The following NPTN variants were observed in gnomAD, a reference collection of about 807,000 sequenced individuals.
NPTN encodes neuroplastin, also known as SDR-1.
NPTN carries 5 observed loss-of-function variants against 42.7 expected under a neutral mutation model. The observed-to-expected ratio is 0.12, with a 90% CI of 0.06 to 0.25. NPTN has a LOEUF of 0.25. Among genes scored for constraint, NPTN ranks in the 10% least tolerant of loss-of-function variants. The pLI, the probability that NPTN is intolerant of heterozygous loss-of-function variation, is 1.00. For synonymous variants in NPTN, 180 were observed against 201.9 expected, an observed-to-expected ratio of 0.89 and a Z score of 0.92; for missense variants, 307 against 525.4, an observed-to-expected ratio of 0.58 and a Z score of 4.06.
At chr15:73,603,976 G>T (rs566452403) in intron 1 of NPTN, among the ~76,000 whole-genome samples, 58 of 152,272 alleles carry the variant, frequency 3.8e-4, no homozygotes, top group Middle Eastern at 6.8e-3. Context: ...TAAGAGTTCT[G>T]TAAACTACTC....
intron 4 of NPTN, among the ~76,000 whole-genome samples, chr15:73,579,983 G>C (rs796421168): frequency 2.6e-5 from 4 of 152,228 alleles, no homozygotes; most frequent in African/African-American, 9.6e-5. Context: ...ATGCCACTAA[G>C]TTTTGGGGTA....
chr15:73,581,833 GCT>G (rs755571320), intron 4 of NPTN, among the ~76,000 whole-genome samples: 19 of 151,798 alleles, frequency 1.3e-4, no homozygotes, highest in Admixed American at 1.1e-3. Flanking sequence ...CTTATATGGT[GCT>G]CTTTTTTTTT....
At chr15:73,616,182 C>T (rs111504461) in intron 1 of NPTN, among the ~76,000 whole-genome samples, 2 of 152,048 alleles carry the variant, frequency 1.3e-5, no homozygotes, top group Non-Finnish European at 2.9e-5. Context: ...GGACCTCTTC[C>T]GTGCAGGTAT....
At chr15:73,571,332 A>G (rs1895372239) in intron 5 of NPTN, among the ~76,000 whole-genome samples, 1 of 152,180 alleles carries the variant, frequency 6.6e-6, no homozygotes, top group African/African-American at 2.4e-5. Context: ...TATCCTACTA[A>G]GGGCAGGTGG....
At chr15:73,595,125 G>A (rs528661118) in intron 2 of NPTN, among the ~76,000 whole-genome samples, 5 of 152,086 alleles carry the variant, frequency 3.3e-5, no homozygotes, top group African/African-American at 4.8e-5. Context: ...ATGTATTCTC[G>A]GGATTGGTAG....
In NPTN at chr15:73,563,155, T is replaced by TA. The variant is rs1894782653; in HGVS notation, c.1136+80dup. The TA allele has an allele frequency of 4.0e-6, 4 of 1,002,344 alleles. No individual in the cohort carries two copies. In the Admixed American group the frequency reaches 7.0e-5, roughly 17 times the overall value. 62.1% of individuals were successfully genotyped at this position (1,002,344 alleles called of 1,614,324 possible). A position where few individuals can be genotyped will look rare whatever the true frequency, so the allele number is the denominator to read the frequency against. On this transcript the variant is annotated intron_variant, in intron 7 of 8. Transcript: ENST00000345330. ...CACTCACTGTCTTCCCCTCCAATCT[T>TA]AGCTACTCCATTTGATTAAACTGCA...
chr15:73,623,851 TAC>T (rs1243328604), intron 1 of NPTN, among the ~76,000 whole-genome samples: 1 of 148,276 alleles, frequency 6.7e-6, no homozygotes, highest in African/African-American at 2.6e-5. Context: ...CTCTTTGTCC[TAC>T]TTATAATGGT....
chr15:73,587,693 G>A (rs994790173), intron 3 of NPTN, 75 bp from the exon 4 acceptor site: 2 of 1,055,980 alleles, frequency 1.9e-6, no homozygotes, highest in Admixed American at 1.8e-5. Flanking sequence ...AGAATCAAAG[G>A]GGCAATCAGG....
At chr15:73,604,848 A>T (rs1004410385) in intron 1 of NPTN, among the ~76,000 whole-genome samples, 1 of 152,220 alleles carries the variant, frequency 6.6e-6, no homozygotes, top group Non-Finnish European at 1.5e-5. Flanking sequence ...ATCTAAGGCC[A>T]GGCGCAGTGG....
intron 2 of NPTN, among the ~76,000 whole-genome samples, chr15:73,596,104 T>C (rs1389347902): frequency 6.6e-6 from 1 of 152,212 alleles, no homozygotes; most frequent in East Asian, 1.9e-4. Flanking sequence ...AGTCAAACCG[T>C]GAACAGGAAT....
intron 4 of NPTN, among the ~76,000 whole-genome samples, chr15:73,577,566 C>T (rs1167064401): frequency 1.3e-5 from 2 of 152,190 alleles, no homozygotes; most frequent in African/African-American, 4.8e-5. Context: ...CCAAAACAGA[C>T]TCCCTTCTTG....
chr15:73,591,975 A>G lies in NPTN; in HGVS notation c.602T>C (p.Met201Thr). The G allele has an allele frequency of 6.2e-7, 1 of 1,612,666 alleles. No homozygotes were observed. The highest frequency in any genetic ancestry group is 8.5e-7 in the Non-Finnish European group (1 of 1,179,240). ...LSATRKNASNMEYRINKPRAE... is the reference protein window; with the variant it reads ...LSATRKNASNTEYRINKPRAE... The stretch of plus-strand genomic sequence containing the variant: ...TGCCCACCACTCTCACCTGTACTCC[A>G]TGTTGCTGGCATTCTTACGAGTGGC... Residue 201 changes from methionine (M) to threonine (T), a missense_variant, in exon 3 of 9, where the codon ATG (methionine) becomes ACG (threonine). Around this residue, in one of 2 missense-constraint regions of NPTN, gnomAD observed 264 missense variants for 491.1 expected, o/e 0.54. Coordinates refer to ENST00000345330, the MANE Select transcript of NPTN (RefSeq NM_012428.4).
At chr15:73,629,422 T>C (rs1035689544) in intron 1 of NPTN, among the ~76,000 whole-genome samples, 1 of 152,128 alleles carries the variant, frequency 6.6e-6, no homozygotes, top group African/African-American at 2.4e-5. Context: ...AATTAGCAAA[T>C]ACACCTCTAA....
chr15:73,584,734 C>G (rs1896231679), intron 4 of NPTN, among the ~76,000 whole-genome samples: 1 of 149,306 alleles, frequency 6.7e-6, no homozygotes, highest in African/African-American at 2.5e-5. Flanking sequence ...ACAGTATCTT[C>G]CTGTTTATAC....
intron 1 of NPTN, among the ~76,000 whole-genome samples, chr15:73,621,009 T>C (rs1595968252): frequency 6.6e-6 from 1 of 152,196 alleles, no homozygotes. Flanking sequence ...TTTTCTTCAA[T>C]AACATGTAGG....
rs533806056 is a variant in NPTN at position 73,610,345 on chromosome 15, C to T, written c.92-12976G>A. ...TACTGGCCTCAAGTGGTCTTCCTGC[C>T]TTGACCTCCCAAAGTACTGGGATTA... On this transcript the variant is annotated intron_variant, in intron 1 of 8. Transcript: ENST00000345330. 2.0e-3 allele frequency among the ~76,000 whole-genome samples: 302 copies of T among 152,298 alleles called. 1 individual carries two copies. Among genetic ancestry groups the T allele is most frequent in the African/African-American group, 6.1e-3 (252 of 41,552 alleles).
chr15:73,563,317 G>A (rs1457013690), intron 6 of NPTN, 60 bp from the exon 7 acceptor site: 3 of 1,604,082 alleles, frequency 1.9e-6, no homozygotes, highest in Non-Finnish European at 2.6e-6. Flanking sequence ...GGAGAAAACT[G>A]TTAGATTCTG....
chr15:73,577,874 TC>T (rs1895778362), intron 4 of NPTN, among the ~76,000 whole-genome samples: 1 of 152,042 alleles, frequency 6.6e-6, no homozygotes, highest in Non-Finnish European at 1.5e-5. Context: ...CTCACTGGCT[TC>T]CCCCAACCAC....
intron 1 of NPTN, among the ~76,000 whole-genome samples, chr15:73,628,401 G>A (rs1187978738): frequency 1.3e-5 from 2 of 152,060 alleles, no homozygotes; most frequent in South Asian, 2.1e-4. Context: ...TACTCTCACT[G>A]CAAACAGTAA....
Sources: allele counts gnomAD v4.1 joint callset (sites outside exome capture counted in the v4.1 genomes callset), GRCh38; gene constraint gnomAD v4.1.1; regional missense constraint gnomAD v4.1.1; transcripts MANE v1.5; gene names NCBI Gene and HGNC (gene_info 2026-07-23, HGNC 2026-07-21).